Variants in TLN2 observed in about 807,000 individuals in gnomAD.
TLN2 encodes talin 2.
Under a neutral mutation model 294.7 loss-of-function variants are expected in TLN2, and 118 were observed. The observed-to-expected ratio is 0.40, with a 90% confidence interval of 0.34 to 0.47. The LOEUF is 0.47. TLN2 is among the 20% of genes least tolerant of loss of function. The pLI is 0.84. For synonymous variants in TLN2, 1,431 were observed against 1,304.5 expected, an observed-to-expected ratio of 1.10 and a Z score of -2.09; for missense variants, 3,083 against 3,282.2, an observed-to-expected ratio of 0.94 and a Z score of 1.48.
chr15:62,776,859 AGTG>A lies in TLN2; in HGVS notation c.5465_5467del (p.Val1822del). On this transcript the variant is annotated inframe_deletion, in exon 43 of 59. Coordinates refer to ENST00000636159, the MANE Select transcript of TLN2 (RefSeq NM_015059.3). ...TGACGCTGAACGAAGCTGCCAGTGA[AGTG>A]GGGCTGGTTGGGGGCATGGTGGACG... 3 of 1,600,496 alleles carry A rather than the reference AGTG, an allele frequency of 1.9e-6. No individual in the cohort carries two copies. Among genetic ancestry groups the A allele is most frequent in the Non-Finnish European group, 2.6e-6 (3 of 1,173,234 alleles).
intron 52 of TLN2, among the ~76,000 whole-genome samples, chr15:62,815,281 C>T (rs1171917180): frequency 6.6e-6 from 1 of 151,514 alleles, no homozygotes; most frequent in African/African-American, 2.4e-5. Context: ...CAGAAAGACT[C>T]TGTATGATCA....
At chr15:62,536,970 C>T (rs2041388822) in intron 1 of TLN2, among the ~76,000 whole-genome samples, 1 of 151,946 alleles carries the variant, frequency 6.6e-6, no homozygotes, top group Non-Finnish European at 1.5e-5. Flanking sequence ...TTCTGGTTAA[C>T]CACATTCACC....
At chr15:62,495,980 CCTT>C (rs1311013663) in intron 1 of TLN2, among the ~76,000 whole-genome samples, 1 of 151,670 alleles carries the variant, frequency 6.6e-6, no homozygotes, top group Non-Finnish European at 1.5e-5. Context: ...AACAAAAAAA[CCTT>C]CTGTTTATCT....
At chr15:62,467,938 A>G (rs1247528588) in intron 1 of TLN2, among the ~76,000 whole-genome samples, 2 of 152,126 alleles carry the variant, frequency 1.3e-5, no homozygotes, top group East Asian at 3.9e-4. Flanking sequence ...GGAGCAGAAA[A>G]GACACATCCT....
At chr15:62,627,973 A>G (rs796538619) in intron 3 of TLN2, among the ~76,000 whole-genome samples, 21 of 152,318 alleles carry the variant, frequency 1.4e-4, no homozygotes, top group African/African-American at 4.8e-4. Flanking sequence ...TTCATTTTCA[A>G]TAGAGAAAAT....
intron 5 of TLN2, among the ~76,000 whole-genome samples, chr15:62,651,640 A>T (rs1567266312): frequency 1.3e-5 from 2 of 152,196 alleles, no homozygotes; most frequent in Non-Finnish European, 2.9e-5. Flanking sequence ...TATGTTGACC[A>T]TTAAAATAGG....
At position 62,840,532 on chromosome 15, in the gene TLN2, A is replaced by G. The variant is rs963200063; in HGVS notation, c.7551A>G (p.Glu2517=). 2 of 1,614,094 alleles carry G rather than the reference A, an allele frequency of 1.2e-6. No homozygotes were observed. Among genetic ancestry groups the G allele is most frequent in the African/African-American group, 2.7e-5 (2 of 74,942 alleles). Reference sequence around the variant, plus strand: ...TAAAGAAAGAGCGAGAACTGGAAGAAGCAAGGAAAAAACTGGCCCAAATCC... The same window carrying G: ...TAAAGAAAGAGCGAGAACTGGAAGAGGCAAGGAAAAAACTGGCCCAAATCC... ...EMLKKERELE[E]ARKKLAQIRQ... The change falls in exon 59 of 59, where the codon GAA becomes GAG. Residue 2517 remains glutamate (E), a synonymous_variant. Transcript: ENST00000636159.
intron 1 of TLN2, among the ~76,000 whole-genome samples, chr15:62,582,067 A>T: frequency 6.6e-6 from 1 of 151,902 alleles, no homozygotes; most frequent in Non-Finnish European, 1.5e-5. Context: ...AGAAAAAGAA[A>T]AACATGTGAA....
At chr15:62,481,969 G>C (rs2038126744) in intron 1 of TLN2, among the ~76,000 whole-genome samples, 1 of 151,098 alleles carries the variant, frequency 6.6e-6, no homozygotes, top group African/African-American at 2.4e-5. Context: ...GCTAATTTTT[G>C]TATTTTTAGT....
At chr15:62,819,428 A>G in intron 52 of TLN2, 88 bp from the exon 53 acceptor site, 1 of 1,104,544 alleles carries the variant, frequency 9.1e-7, no homozygotes, top group African/African-American at 1.5e-5. Context: ...AGGCTGCCTG[A>G]CTCCACATCC....
chr15:62,614,300 G>A (rs2048140579), intron 2 of TLN2, among the ~76,000 whole-genome samples: 1 of 152,082 alleles, frequency 6.6e-6, no homozygotes, highest in South Asian at 2.1e-4. Context: ...AGGATTTTGG[G>A]AGAACGATAT....
chr15:62,596,488 A>T (rs999235569), intron 2 of TLN2, among the ~76,000 whole-genome samples: 3 of 152,146 alleles, frequency 2.0e-5, no homozygotes, highest in African/African-American at 7.2e-5. Context: ...GACTAATCTC[A>T]GCACTTTGGG....
intron 3 of TLN2, among the ~76,000 whole-genome samples, chr15:62,621,876 C>T (rs1033069881): frequency 2.0e-5 from 3 of 152,174 alleles, no homozygotes; most frequent in Non-Finnish European, 4.4e-5. Context: ...GCTAATTCTA[C>T]CAAAGGGTCC....
chr15:62,669,387 C>T (rs891376252), intron 9 of TLN2, among the ~76,000 whole-genome samples: 1 of 152,034 alleles, frequency 6.6e-6, no homozygotes, highest in East Asian at 1.9e-4. Context: ...AACTTTCAAC[C>T]TCTCATGGAT....
chr15:62,749,624 G>A (rs2061809355), intron 33 of TLN2, among the ~76,000 whole-genome samples: 1 of 152,078 alleles, frequency 6.6e-6, no homozygotes, highest in South Asian at 2.1e-4. Flanking sequence ...CCCCCCACCA[G>A]CCTTTGTAAC....
At chr15:62,786,055 G>C (rs552225157) in intron 45 of TLN2, among the ~76,000 whole-genome samples, 2 of 152,310 alleles carry the variant, frequency 1.3e-5, no homozygotes, top group Admixed American at 1.3e-4. Flanking sequence ...GTGTGACCTG[G>C]AGTGAAAAGG....
intron 1 of TLN2, among the ~76,000 whole-genome samples, chr15:62,533,798 C>T (rs1353130244): frequency 6.6e-6 from 1 of 152,122 alleles, no homozygotes; most frequent in Non-Finnish European, 1.5e-5. Context: ...TGTCCAGCAA[C>T]CTGTGGGCAG....
chr15:62,713,427 C>G (rs548246845), intron 22 of TLN2, among the ~76,000 whole-genome samples: 1 of 152,214 alleles, frequency 6.6e-6, no homozygotes, highest in Non-Finnish European at 1.5e-5. Context: ...GCCTGTAATC[C>G]CAGCACTTTG....
At chr15:62,528,627 G>A (rs997580196) in intron 1 of TLN2, among the ~76,000 whole-genome samples, 1 of 149,444 alleles carries the variant, frequency 6.7e-6, no homozygotes, top group African/African-American at 2.5e-5. Context: ...TCTGGCAAAG[G>A]TATCACTTAT....
Sources: gnomAD v4.1 joint callset for allele counts (sites outside exome capture counted in the v4.1 genomes callset) on GRCh38, gnomAD v4.1.1 for gene constraint, MANE v1.5 for transcripts, NCBI Gene and HGNC (gene_info 2026-07-23, HGNC 2026-07-21) for gene names.